The following NCAM1 variants were observed in gnomAD, a reference collection of about 807,000 sequenced individuals.
NCAM1 encodes the protein antigen recognized by monoclonal antibody 5.1H11.
A neutral mutation model predicts 109.8 loss-of-function variants in NCAM1; 14 were observed. The ratio of observed to expected loss-of-function variants is 0.13; its 90% CI spans 0.08 to 0.20. The LOEUF is 0.20. Among genes scored for constraint, NCAM1 ranks in the 10% least tolerant of loss-of-function variants. The pLI, the probability that NCAM1 is intolerant of heterozygous loss-of-function variation, is 1.00. For missense variants in NCAM1, 774 were observed against 1,109.9 expected (o/e 0.70, Z 4.30); for synonymous variants, 418 against 442.9 (o/e 0.94, Z 0.70).
chr11:113,143,207 A>C (rs1591363117), intron 1 of NCAM1, among the ~76,000 whole-genome samples: 1 of 152,338 alleles, frequency 6.6e-6, no homozygotes, highest in East Asian at 1.9e-4. Flanking sequence ...ACTAGGATTC[A>C]ATTAGGTTTC....
Position 113,236,394 on chromosome 11 carries a change from T to C in NCAM1, c.1825+1230T>C, listed in dbSNP as rs1326000133. ...GTTCTAGTTCGTAATTTAGTTCTGG[T>C]CCCTTTTTTGTCCCCTAGAGGCTGA... On this transcript the variant is annotated intron_variant, in intron 14 of 19. Transcript: ENST00000316851. The C allele has an allele frequency of 7.9e-6, 12 of 1,517,588 alleles. No homozygotes were observed. In the African/African-American group the frequency reaches 1.5e-4, roughly 19 times the overall value. 94.0% of individuals were successfully genotyped at this position (1,517,588 alleles called of 1,614,324 possible).
intron 1 of NCAM1, among the ~76,000 whole-genome samples, chr11:113,063,405 T>C (rs1937775133): frequency 6.6e-6 from 1 of 152,256 alleles, no homozygotes; most frequent in Non-Finnish European, 1.5e-5. Context: ...ACAAGCCTTA[T>C]GCTCAGAAGT....
intron 14 of NCAM1, among the ~76,000 whole-genome samples, chr11:113,241,679 AG>A (rs1308631908): frequency 6.6e-6 from 1 of 152,224 alleles, no homozygotes; most frequent in Non-Finnish European, 1.5e-5. Context: ...AAGGGGCTCC[AG>A]GCCTGCCACT....
In NCAM1 at chr11:113,273,912, G is replaced by C. The variant is rs1946351024; in HGVS notation, c.2457-1355G>C. 1 of 174,412 alleles carries C rather than the reference G, an allele frequency of 5.7e-6. No homozygotes were observed. Among genetic ancestry groups the C allele is most frequent in the Non-Finnish European group, 1.3e-5 (1 of 79,638 alleles). 10.8% of individuals were successfully genotyped at this position (174,412 alleles called of 1,614,324 possible). On this transcript the variant is annotated intron_variant, in intron 19 of 19. Transcript: ENST00000316851. The surrounding 1 kb of genome is among the most constrained non-coding windows in gnomAD (Gnocchi z 6.0). The stretch of plus-strand genomic sequence containing the variant: ...GGATAAGGCAGAGAGAGCAGGACAG[G>C]CAGCTGGGCCCCAGGAGCAGCCGCC...
intron 1 of NCAM1, among the ~76,000 whole-genome samples, chr11:113,071,620 T>C (rs1591300975): frequency 6.6e-6 from 1 of 151,432 alleles, no homozygotes; most frequent in Non-Finnish European, 1.5e-5. Flanking sequence ...AGAGACGGGG[T>C]TTCACCGTGT....
At chr11:113,082,681 A>G (rs1591310030) in intron 1 of NCAM1, among the ~76,000 whole-genome samples, 1 of 152,234 alleles carries the variant, frequency 6.6e-6, no homozygotes, top group Non-Finnish European at 1.5e-5. Context: ...GGACGCTCTG[A>G]GCGTGCTTGA....
At chr11:113,032,789 G>A (rs540180606) in intron 1 of NCAM1, among the ~76,000 whole-genome samples, 1 of 152,304 alleles carries the variant, frequency 6.6e-6, no homozygotes, top group Admixed American at 6.5e-5. Flanking sequence ...TTTCTATGCA[G>A]TAAGTTTCCT....
intron 14 of NCAM1, among the ~76,000 whole-genome samples, chr11:113,240,173 T>C (rs1460713818): frequency 6.6e-6 from 1 of 152,206 alleles, no homozygotes. Context: ...AACCACATTC[T>C]GTAGGGGAGT....
chr11:112,971,441 G>A (rs1389620553), intron 1 of NCAM1, among the ~76,000 whole-genome samples: 4 of 152,114 alleles, frequency 2.6e-5, no homozygotes, highest in Admixed American at 1.3e-4. Flanking sequence ...TGAATGGGTT[G>A]TGAGGGTGGG....
chr11:113,052,089 C>T (rs534637305), intron 1 of NCAM1, among the ~76,000 whole-genome samples: 2 of 152,170 alleles, frequency 1.3e-5, no homozygotes, highest in South Asian at 4.2e-4. Context: ...GGGAAGTGTT[C>T]AATAACATGA....
chr11:113,106,051 A>G lies in NCAM1; in HGVS notation c.53-96328A>G, dbSNP rs192785221. Among the ~76,000 whole-genome samples, 14 of 152,288 alleles carry G rather than the reference A, an allele frequency of 9.2e-5. No homozygotes were observed. The East Asian group carries it at 2.7e-3, about 29-fold the overall frequency. On this transcript the variant is annotated intron_variant, in intron 1 of 19. Coordinates refer to ENST00000316851, the MANE Select transcript of NCAM1 (RefSeq NM_181351.5). ...ACATATATTTTAAAATAATTCATTT[A>G]TTTACTTTTTATTTGACTAATTGGT...
chr11:113,066,183 A>G (rs1937947522), intron 1 of NCAM1, among the ~76,000 whole-genome samples: 1 of 152,028 alleles, frequency 6.6e-6, no homozygotes, highest in African/African-American at 2.4e-5. Flanking sequence ...GATCCCTTGA[A>G]CCCATCCAAC....
At chr11:113,211,620 T>C (rs782168581) in intron 7 of NCAM1, among the ~76,000 whole-genome samples, 4 of 152,356 alleles carry the variant, frequency 2.6e-5, no homozygotes, top group Admixed American at 6.5e-5. Flanking sequence ...TGAGGTCTCA[T>C]GCTGCTGTGG....
intron 1 of NCAM1, among the ~76,000 whole-genome samples, chr11:113,154,897 A>G (rs571235406): frequency 2.6e-5 from 4 of 152,284 alleles, no homozygotes; most frequent in Non-Finnish European, 5.9e-5. Flanking sequence ...GATATAACAT[A>G]TATCATATGT....
At chr11:113,181,860 C>T (rs1296681050) in intron 1 of NCAM1, among the ~76,000 whole-genome samples, 2 of 152,110 alleles carry the variant, frequency 1.3e-5, no homozygotes, top group East Asian at 3.9e-4. Flanking sequence ...TTTTGACATA[C>T]AAGCCTCCAG....
At chr11:113,099,275 T>A (rs7121590) in intron 1 of NCAM1, among the ~76,000 whole-genome samples, 11,129 of 152,170 alleles carry the variant, frequency 0.073, 780 homozygotes, top group Admixed American at 0.17. Flanking sequence ...AGATAAGACC[T>A]TAGAGAAATC....
intron 1 of NCAM1, among the ~76,000 whole-genome samples, chr11:113,165,122 G>A (rs2136392858): frequency 6.6e-6 from 1 of 152,262 alleles, no homozygotes; most frequent in East Asian, 1.9e-4. Flanking sequence ...ACGTGTCTGT[G>A]GGGAGAACAG....
At chr11:113,195,082 G>A (rs1555110593) in intron 1 of NCAM1, among the ~76,000 whole-genome samples, 1 of 152,190 alleles carries the variant, frequency 6.6e-6, no homozygotes, top group African/African-American at 2.4e-5. Context: ...CCATTATGAA[G>A]CCATTATACT....
intron 8 of NCAM1, among the ~76,000 whole-genome samples, chr11:113,216,474 A>G (rs1317242549): frequency 2.0e-5 from 3 of 152,166 alleles, no homozygotes; most frequent in African/African-American, 7.2e-5. Context: ...ATAGAATGAG[A>G]ATAATAGCCA....
Sources: allele counts gnomAD v4.1 joint callset (sites outside exome capture counted in the v4.1 genomes callset), GRCh38; gene constraint gnomAD v4.1.1; non-coding constraint Gnocchi (gnomAD v3.1); transcripts MANE v1.5; gene names NCBI Gene and HGNC (gene_info 2026-07-23, HGNC 2026-07-21).